Variants in TTLL5 observed in about 807,000 individuals in gnomAD.
The protein encoded by TTLL5 is tubulin tyrosine ligase like 5.
A neutral mutation model predicts 168.4 loss-of-function variants in TTLL5; 132 were observed. The ratio of observed to expected loss-of-function variants is 0.78; its 90% confidence interval spans 0.68 to 0.91. The LOEUF is 0.91. Among genes scored for constraint, TTLL5 ranks in the 40% least tolerant of loss-of-function variants. The pLI is 0.00. For missense variants in TTLL5, 1,545 were observed against 1,581.5 expected (o/e 0.98, Z 0.39); for synonymous variants, 546 against 558.6 (o/e 0.98, Z 0.32).
intron 29 of TTLL5, among the ~76,000 whole-genome samples, chr14:75,873,309 C>T (rs549892128): frequency 7.2e-5 from 11 of 152,094 alleles, no homozygotes; most frequent in Non-Finnish European, 1.5e-4. Flanking sequence ...CTTCTGACCT[C>T]GTGATCCGCC....
chr14:75,951,123 C>T (rs1317503268), intron 31 of TTLL5, among the ~76,000 whole-genome samples: 1 of 152,148 alleles, frequency 6.6e-6, no homozygotes, highest in African/African-American at 2.4e-5. Flanking sequence ...GCAGGAGGCT[C>T]ACTTGAGCCC....
At chr14:75,765,343 G>A (rs186116061) in intron 19 of TTLL5, among the ~76,000 whole-genome samples, 2 of 152,144 alleles carry the variant, frequency 1.3e-5, no homozygotes, top group South Asian at 4.1e-4. Context: ...CTTACAAGGC[G>A]ATAGAGAAGG....
intron 29 of TTLL5, among the ~76,000 whole-genome samples, chr14:75,870,881 G>A (rs542730148): frequency 4.7e-5 from 7 of 147,642 alleles, no homozygotes; most frequent in African/African-American, 1.3e-4. Context: ...TGCAAGCTCC[G>A]CCTCCCAGGT....
intron 1 of TTLL5, among the ~76,000 whole-genome samples, chr14:75,662,195 A>G (rs1280825085): frequency 6.6e-6 from 1 of 152,032 alleles, no homozygotes; most frequent in Non-Finnish European, 1.5e-5. Context: ...CCACCTATTT[A>G]TATGGACCTT....
intron 30 of TTLL5, among the ~76,000 whole-genome samples, chr14:75,884,207 T>C (rs1157923939): frequency 6.6e-6 from 1 of 152,218 alleles, no homozygotes; most frequent in Admixed American, 6.5e-5. Flanking sequence ...AACCACACTC[T>C]CCTTCACAGA....
At chr14:75,911,205 T>A (rs532766364) in intron 31 of TTLL5, among the ~76,000 whole-genome samples, 5 of 152,170 alleles carry the variant, frequency 3.3e-5, no homozygotes, top group African/African-American at 7.2e-5. Flanking sequence ...TTTTTTTTTT[T>A]AATTTTTAGT....
intron 26 of TTLL5, among the ~76,000 whole-genome samples, chr14:75,787,661 A>G (rs1892449569): frequency 6.6e-6 from 1 of 152,240 alleles, no homozygotes; most frequent in South Asian, 2.1e-4. Flanking sequence ...TTATTTATTG[A>G]TAATATATAG....
At chr14:75,922,096 C>G (rs2140140660) in intron 31 of TTLL5, among the ~76,000 whole-genome samples, 1 of 152,230 alleles carries the variant, frequency 6.6e-6, no homozygotes, top group East Asian at 1.9e-4. Flanking sequence ...TATCCTGAGA[C>G]TTGGTGAAGT....
intron 5 of TTLL5, among the ~76,000 whole-genome samples, chr14:75,688,245 C>T (rs901194636): frequency 6.6e-6 from 1 of 152,092 alleles, no homozygotes; most frequent in Non-Finnish European, 1.5e-5. Flanking sequence ...GGAAGAGGGG[C>T]TGAAAGTTAA....
intron 20 of TTLL5, among the ~76,000 whole-genome samples, chr14:75,770,596 A>G (rs1891245277): frequency 6.6e-6 from 1 of 152,232 alleles, no homozygotes; most frequent in South Asian, 2.1e-4. Context: ...CTGAAAGAAA[A>G]CAGATCTGCC....
intron 28 of TTLL5, among the ~76,000 whole-genome samples, chr14:75,843,177 G>A (rs1158163653): frequency 6.6e-6 from 1 of 152,098 alleles, no homozygotes; most frequent in African/African-American, 2.4e-5. Flanking sequence ...AGTAATAATC[G>A]CGTTTACTTG....
intron 27 of TTLL5, among the ~76,000 whole-genome samples, chr14:75,819,735 C>T (rs182783069): frequency 2.4e-4 from 36 of 152,164 alleles, no homozygotes; most frequent in East Asian, 7.7e-4. Context: ...TTTTGTTATC[C>T]GTCTTTGTTT....
chr14:75,900,272 G>A (rs2032866585), intron 30 of TTLL5, among the ~76,000 whole-genome samples: 1 of 152,130 alleles, frequency 6.6e-6, no homozygotes, highest in Admixed American at 6.5e-5. Flanking sequence ...TGGCTCCCTT[G>A]TCCTCAAAAT....
At chr14:75,834,740 A>T (rs1008436948) in intron 28 of TTLL5, among the ~76,000 whole-genome samples, 4 of 152,146 alleles carry the variant, frequency 2.6e-5, no homozygotes, top group Non-Finnish European at 5.9e-5. Context: ...CTTTAACAAG[A>T]ACCACAATTC....
chr14:75,948,450 A>G (rs539006604), intron 31 of TTLL5, among the ~76,000 whole-genome samples: 12 of 152,246 alleles, frequency 7.9e-5, no homozygotes, highest in South Asian at 6.2e-4. Context: ...GCGCCATTGC[A>G]CTGCAGCCTG....
chr14:75,710,435 C>CAT (rs1042595478), intron 9 of TTLL5: 1 of 138,810 alleles, frequency 7.2e-6, no homozygotes, highest in African/African-American at 2.5e-5. Context: ...CACACACACA[C>CAT]ACAATGGATG....
chr14:75,876,030 C>T (rs1360145206), intron 29 of TTLL5, among the ~76,000 whole-genome samples: 2 of 152,178 alleles, frequency 1.3e-5, no homozygotes, highest in Non-Finnish European at 1.5e-5. Context: ...AAATGTAAAG[C>T]AAAGCAGAGT....
chr14:75,925,456 C>T (rs1181917255), intron 31 of TTLL5, among the ~76,000 whole-genome samples: 1 of 63,172 alleles, frequency 1.6e-5, no homozygotes, highest in African/African-American at 7.0e-5. Flanking sequence ...CCAGACGGGG[C>T]GGCGGGGCAG....
At chr14:75,752,987 T>C (rs762770095) in intron 18 of TTLL5, 32 bp downstream of exon 18, 4 of 1,588,638 alleles carry the variant, frequency 2.5e-6, no homozygotes, top group Admixed American at 3.3e-5. Context: ...AATTTAGGAC[T>C]AGATCACAAG....
Sources: allele counts gnomAD v4.1 joint callset (sites outside exome capture counted in the v4.1 genomes callset), GRCh38; gene constraint gnomAD v4.1.1; transcripts MANE v1.5; gene names NCBI Gene and HGNC (gene_info 2026-07-23, HGNC 2026-07-21).